HBEGF: variants seen among roughly 807,000 people sequenced by gnomAD.
HBEGF encodes proheparin-binding EGF-like growth factor.
Under a neutral mutation model 19.5 loss-of-function variants are expected in HBEGF, and 8 were observed. The observed-to-expected ratio is 0.41, with a 90% CI of 0.24 to 0.74. The LOEUF is 0.74. HBEGF is among the 30% of genes least tolerant of loss of function. The pLI is 0.32. For missense variants in HBEGF, 207 were observed against 256.9 expected (o/e 0.81, Z 1.33); for synonymous variants, 97 against 108.9 (o/e 0.89, Z 0.68).
chr5:140,335,780 G>A, intron 4 of HBEGF, 92 bp downstream of exon 4: 1 of 1,320,030 alleles, frequency 7.6e-7, no homozygotes. Context: ...AAAGATTGAG[G>A]GAAGTGCATG....
At chr5:140,342,908 C>G in intron 2 of HBEGF, 96 bp from the exon 3 acceptor site, 9 of 1,298,528 alleles carry the variant, frequency 6.9e-6, no homozygotes, top group Non-Finnish European at 9.9e-6. Flanking sequence ...TTGATTCCAC[C>G]TGAAGTCAGA....
At chr5:140,339,904 A>G (rs748656693) in intron 3 of HBEGF, among the ~76,000 whole-genome samples, 1 of 152,100 alleles carries the variant, frequency 6.6e-6, no homozygotes, top group Non-Finnish European at 1.5e-5. Flanking sequence ...CATTCCCCCA[A>G]ACCAGGATTT....
chr5:140,346,286 C>A lies in HBEGF; in HGVS notation c.43G>T (p.Ala15Ser). ...GGGGCGTCGGCAGCCCTCTTACCTG[C>A]AGCCAGAAAGAGCTTCAGCACCACC... ...PSVVLKLFLA[A>S]VLSALVTGES... is the part of the protein sequence containing the mutation. Residue 15 changes from alanine (A) to serine (S), a missense_variant, in exon 1 of 6, where the codon GCA becomes TCA. By Grantham distance (99) the Ala-to-Ser change is moderately conservative. Transcript: ENST00000230990. The surrounding 1 kb of genome is among the most constrained non-coding windows in gnomAD (Gnocchi z 6.1). The A allele has an allele frequency of 6.2e-7, 1 of 1,607,206 alleles. No homozygotes were observed. The highest frequency in any genetic ancestry group is 8.5e-7 in the Non-Finnish European group (1 of 1,177,282).
chr5:140,337,898 G>T (rs1766252488), intron 3 of HBEGF, among the ~76,000 whole-genome samples: 1 of 152,152 alleles, frequency 6.6e-6, no homozygotes, highest in Non-Finnish European at 1.5e-5. Context: ...CCATTCACAA[G>T]CCACTAGCCT....
rs1766403695 is a variant in HBEGF at position 140,346,513 on chromosome 5, GCTCA to G, written c.-189_-186del. ...TCGCTCTTCTTGAGTGTCTTGTCTT[GCTCA>G]CTCAGCCCGCCCGCGCGGCCGCCCG... On this transcript the variant is annotated 5_prime_UTR_variant, in exon 1 of 6. Coordinates refer to ENST00000230990, the MANE Select transcript of HBEGF (RefSeq NM_001945.3). The surrounding 1 kb of genome is among the most constrained non-coding windows in gnomAD (Gnocchi z 6.1). 1.5e-6 allele frequency: 1 copy of G among 673,832 alleles called. No homozygotes were observed. The highest frequency in any genetic ancestry group is 1.8e-5 in the South Asian group (1 of 54,174). 41.7% of individuals were successfully genotyped at this position (673,832 alleles called of 1,614,324 possible). A position where few individuals can be genotyped will look rare whatever the true frequency, so the allele number is the denominator to read the frequency against.
Position 140,346,433 on chromosome 5 carries a change from G to T in HBEGF, c.-105C>A. On this transcript the variant is annotated 5_prime_UTR_variant, in exon 1 of 6. Transcript: ENST00000230990. This position sits in a 1 kb window ranked among gnomAD's most constrained non-coding sequence, Gnocchi z 6.1. The stretch of plus-strand genomic sequence containing the variant: ...CGGCGGAGCTCAGGAGATTCCGCCG[G>T]GCACCGTCTGCCGCCCGCCTCTGCG... The T allele has an allele frequency of 7.8e-7, 1 of 1,281,796 alleles. No homozygotes were observed. The highest frequency in any genetic ancestry group is 1.1e-6 in the Non-Finnish European group (1 of 915,160). The allele number at this position is 1,281,796 out of a possible 1,614,324, so 79.4% of individuals were successfully genotyped here. A position where few individuals can be genotyped will look rare whatever the true frequency, so the allele number is the denominator to read the frequency against.
At position 140,346,224 on chromosome 5, in the gene HBEGF, T is replaced by G; in HGVS notation, c.46+59A>C. On this transcript the variant is annotated intron_variant, in intron 1 of 5. Transcript: ENST00000230990. The surrounding 1 kb of genome is among the most constrained non-coding windows in gnomAD (Gnocchi z 6.1). ...GGTGCGCTGCGGCGACCTTCCCCCA[T>G]GCCCCCAGCACAACGCCCCCATCCC... 6.4e-7 allele frequency: 1 copy of G among 1,565,456 alleles called. No homozygotes were observed. The highest frequency in any genetic ancestry group is 8.6e-7 in the Non-Finnish European group (1 of 1,156,318).
intron 4 of HBEGF, among the ~76,000 whole-genome samples, chr5:140,335,398 A>G (rs969377519): frequency 2.0e-4 from 31 of 151,504 alleles, no homozygotes; most frequent in Admixed American, 1.3e-3. Context: ...AAAAAAAAAA[A>G]AAAAGAAAGA....
At chr5:140,338,797 C>T (rs1766265320) in intron 3 of HBEGF, among the ~76,000 whole-genome samples, 1 of 152,126 alleles carries the variant, frequency 6.6e-6, no homozygotes, top group South Asian at 2.1e-4. Flanking sequence ...CGTCTGTGAC[C>T]CATTTCAGAA....
chr5:140,334,978 A>G, intron 4 of HBEGF: 1 of 592,140 alleles, frequency 1.7e-6, no homozygotes, highest in Non-Finnish European at 3.0e-6. Flanking sequence ...CGTGATCCTC[A>G]CAACATCCTT....
At chr5:140,337,302 G>C (rs1353469993) in intron 3 of HBEGF, among the ~76,000 whole-genome samples, 3 of 152,158 alleles carry the variant, frequency 2.0e-5, no homozygotes, top group Admixed American at 2.0e-4. Context: ...TTTTCCCAAG[G>C]TCACACAGTA....
chr5:140,334,804 C>CAG, intron 4 of HBEGF, 56 bp from the exon 5 acceptor site: 8 of 1,338,528 alleles, frequency 6.0e-6, no homozygotes, highest in Non-Finnish European at 8.6e-6. Flanking sequence ...AGTGCAGGTC[C>CAG]AGAGCAGGTC....
Position 140,345,986 on chromosome 5 carries a change from G to C in HBEGF, c.145C>G (p.Gln49Glu), listed in dbSNP as rs1766393132. ...NPDPPTVSTD[Q>E]LLPLGGGRDR... Reference sequence around the variant, plus strand: ...CGGCCGCCTCCTAGGGGTAGCAGCTGGTCCGTGGATACAGTGGGAGGGTCC... The same window carrying C: ...CGGCCGCCTCCTAGGGGTAGCAGCTCGTCCGTGGATACAGTGGGAGGGTCC... The change falls in exon 2 of 6, where the codon CAG becomes GAG. Residue 49 changes from glutamine to glutamate, a missense_variant. By Grantham distance (29) the Gln-to-Glu change is conservative. This residue lies in a region of HBEGF where 127 missense variants were observed against 132.7 expected (regional missense o/e 0.96). Transcript: ENST00000230990. The C allele has an allele frequency of 6.2e-7, 1 of 1,614,068 alleles. No individual in the cohort carries two copies. The highest frequency in any genetic ancestry group is 8.5e-7 in the Non-Finnish European group (1 of 1,180,026).
At chr5:140,336,822 CTTTTTCTTTTTTT>C (rs1232728182) in intron 3 of HBEGF, among the ~76,000 whole-genome samples, 161 of 146,428 alleles carry the variant, frequency 1.1e-3, no homozygotes, top group African/African-American at 4.0e-3. Context: ...TTTTCTTTTT[CTTTTTCTTTTTTT>C]TTTTTTTTTT....
In HBEGF at chr5:140,346,547, C is replaced by G; in HGVS notation, c.-219G>C. On this transcript the variant is annotated 5_prime_UTR_variant, in exon 1 of 6. Transcript: ENST00000230990. The surrounding 1 kb of genome is among the most constrained non-coding windows in gnomAD (Gnocchi z 6.1). ...GCCCGCCCGCGCGGCCGCCCGACCC[C>G]GCGCGCCTAGGTCAGGCCAGCCAGC... The G allele has an allele frequency of 1.7e-6, 1 of 598,984 alleles. No individual in the cohort carries two copies. The highest frequency in any genetic ancestry group is 2.9e-5 in the East Asian group (1 of 35,012). The allele number at this position is 598,984 out of a possible 1,614,324, so 37.1% of individuals were successfully genotyped here.
At chr5:140,334,840 T>C (rs1766203610) in intron 4 of HBEGF, 92 bp from the exon 5 acceptor site, 2 of 1,021,466 alleles carry the variant, frequency 2.0e-6, no homozygotes, top group Admixed American at 1.7e-5. Flanking sequence ...GCCATGGTGG[T>C]TTCCTCTACT....
At chr5:140,337,292 T>C (rs1766243583) in intron 3 of HBEGF, among the ~76,000 whole-genome samples, 1 of 152,136 alleles carries the variant, frequency 6.6e-6, no homozygotes, top group African/African-American at 2.4e-5. Context: ...GGTGGAGTGG[T>C]TTTCCCAAGG....
chr5:140,340,647 C>T (rs1766296686), intron 3 of HBEGF, among the ~76,000 whole-genome samples: 2 of 150,776 alleles, frequency 1.3e-5, no homozygotes, highest in South Asian at 4.2e-4. Flanking sequence ...AAAATTCTGC[C>T]CAAGAAGTTA....
chr5:140,345,031 G>C (rs939468797), intron 2 of HBEGF, among the ~76,000 whole-genome samples: 3 of 152,244 alleles, frequency 2.0e-5, no homozygotes, highest in African/African-American at 7.2e-5. Context: ...AAAGTAGAGA[G>C]AGTATCCAAG....
Sources: allele counts gnomAD v4.1 joint callset (sites outside exome capture counted in the v4.1 genomes callset), GRCh38; gene constraint gnomAD v4.1.1; regional missense constraint gnomAD v4.1.1; non-coding constraint Gnocchi (gnomAD v3.1); transcripts MANE v1.5; gene names NCBI Gene and HGNC (gene_info 2026-07-23, HGNC 2026-07-21).